The following KDM2B variants were observed in gnomAD, a reference collection of about 807,000 sequenced individuals.
KDM2B encodes the protein lysine-specific demethylase 2B.
A neutral mutation model predicts 150.0 loss-of-function variants in KDM2B; 26 were observed. That is an observed-to-expected ratio of 0.17 (90% CI 0.13 to 0.24). The LOEUF (loss-of-function observed/expected upper bound fraction) is 0.24. KDM2B is among the 10% of genes least tolerant of loss of function. KDM2B has a pLI of 1.00. For missense variants in KDM2B, 1,265 were observed against 1,816.9 expected (o/e 0.70, Z 5.52); for synonymous variants, 734 against 729.5 (o/e 1.01, Z -0.10).
Position 121,574,597 on chromosome 12 carries a change from G to A in KDM2B, c.351-4C>T. On this transcript the variant is annotated splice_region_variant and splice_polypyrimidine_tract_variant and intron_variant, in intron 3 of 22. Transcript: ENST00000377071. ...TGTGAAATCAGGGTCAGGCATCCTG[G>A]GGAAAGAGGAGCACAGACCTTTGGT... The A allele has an allele frequency of 6.2e-7, 1 of 1,613,926 alleles. No individual in the cohort carries two copies. Among genetic ancestry groups the A allele is most frequent in the Non-Finnish European group, 8.5e-7 (1 of 1,179,886 alleles).
intron 12 of KDM2B, among the ~76,000 whole-genome samples, chr12:121,489,234 T>A (rs1195951545): frequency 6.6e-6 from 1 of 151,740 alleles, no homozygotes; most frequent in East Asian, 1.9e-4. Context: ...TGTGAGCCAC[T>A]GCGCCCGGCC....
intron 9 of KDM2B, among the ~76,000 whole-genome samples, chr12:121,519,754 TTGAA>T (rs1240513854): frequency 1.3e-4 from 20 of 152,256 alleles, no homozygotes; most frequent in African/African-American, 3.4e-4. Flanking sequence ...ATTGTATACT[TTGAA>T]TGGTAAATTT....
At chr12:121,522,134 T>A (rs996322412) in intron 8 of KDM2B, among the ~76,000 whole-genome samples, 25 of 151,134 alleles carry the variant, frequency 1.7e-4, no homozygotes. Context: ...GAAACGATAA[T>A]AGAGGGCCCA....
intron 12 of KDM2B, chr12:121,469,126 C>T (rs1408693506): frequency 2.0e-5 from 3 of 151,590 alleles, no homozygotes; most frequent in African/African-American, 7.3e-5. Context: ...GAGCTCCTAG[C>T]CTCAAGTGAT....
Position 121,521,126 on chromosome 12 carries a change from A to T in KDM2B, c.932-26T>A. 6 of 1,540,202 alleles carry T rather than the reference A, an allele frequency of 3.9e-6. No homozygotes were observed. The highest frequency in any genetic ancestry group is 4.5e-6 in the Non-Finnish European group (5 of 1,113,538). The stretch of plus-strand genomic sequence containing the variant: ...CTGGGGTGGGAAGGGCAAGGAGAGG[A>T]TGAGCCGCTGGCCCCTGTGGGCTCC... On this transcript the variant is annotated intron_variant, in intron 8 of 22. Transcript: ENST00000377071. The surrounding 1 kb of genome is among the most constrained non-coding windows in gnomAD (Gnocchi z 4.9).
intron 4 of KDM2B, among the ~76,000 whole-genome samples, chr12:121,552,215 T>G (rs1372038820): frequency 1.3e-5 from 2 of 152,144 alleles, no homozygotes; most frequent in African/African-American, 4.8e-5. Context: ...TTACACCCAT[T>G]TAATGGAGGA....
chr12:121,539,344 A>G (rs1358126600), intron 6 of KDM2B, among the ~76,000 whole-genome samples: 17 of 151,114 alleles, frequency 1.1e-4, no homozygotes, highest in East Asian at 2.0e-4. Context: ...AAAAAAAAAA[A>G]AAAAAAAAAA....
intron 12 of KDM2B, among the ~76,000 whole-genome samples, chr12:121,478,866 T>TTGTTTGTGTGTGTGTGTGTGTGTGTG (rs61509046): frequency 1.5e-4 from 20 of 131,216 alleles, no homozygotes; most frequent in Admixed American, 4.2e-4. Context: ...TTTTGTTTGT[T>TTGTTTGTGTGTGTGTGTGTGTGTGTG]TGTGTGTGTG....
chr12:121,475,998 C>CAA (rs782625863), intron 12 of KDM2B, among the ~76,000 whole-genome samples: 1 of 122,872 alleles, frequency 8.1e-6, no homozygotes, highest in South Asian at 2.6e-4. Context: ...ACTCTGTGTC[C>CAA]AAAAAAAAAA....
chr12:121,578,779 G>A (rs1555317314), intron 2 of KDM2B, 23 bp downstream of exon 2: 3 of 1,492,608 alleles, frequency 2.0e-6, no homozygotes, highest in Admixed American at 2.0e-5. Flanking sequence ...CGCAGAGGGC[G>A]GCCCGGGGTG....
the KDM2B span, among the ~76,000 whole-genome samples, chr12:121,410,309 C>T: frequency 6.6e-6 from 1 of 151,882 alleles, no homozygotes; most frequent in Non-Finnish European, 1.5e-5. Context: ...GAGGCTGAGG[C>T]AGGCGGATTA....
At chr12:121,422,149 G>A in the KDM2B span, among the ~76,000 whole-genome samples, 6 of 152,154 alleles carry the variant, frequency 3.9e-5, no homozygotes, top group Non-Finnish European at 8.8e-5. Flanking sequence ...AGTACTTTGC[G>A]GCGTAGGATA....
At chr12:121,446,617 T>C (rs1555290433) in intron 13 of KDM2B, among the ~76,000 whole-genome samples, 1 of 152,184 alleles carries the variant, frequency 6.6e-6, no homozygotes, top group African/African-American at 2.4e-5. Context: ...TTATTTTTAC[T>C]TGAAGGAATG....
At position 121,574,059 on chromosome 12, in the gene KDM2B, G is replaced by A. The variant is rs143909431; in HGVS notation, c.397+488C>T. On this transcript the variant is annotated intron_variant, in intron 4 of 22. Coordinates refer to ENST00000377071, the MANE Select transcript of KDM2B (RefSeq NM_032590.5). ...AAATGCCACCTACTACTGGCCGAGC[G>A]TCCAGAGTACTAAGTCATCAGCCAC... 5.9e-5 allele frequency among the ~76,000 whole-genome samples: 9 copies of A among 152,240 alleles called. No individual in the cohort carries two copies. In the East Asian group the frequency reaches 9.6e-4, roughly 16 times the overall value.
At chr12:121,478,973 C>T (rs760892663) in intron 12 of KDM2B, among the ~76,000 whole-genome samples, 49 of 151,728 alleles carry the variant, frequency 3.2e-4, no homozygotes, top group Non-Finnish European at 6.0e-4. Context: ...CCGCCTTGGC[C>T]TCCCAAAGTA....
intron 11 of KDM2B, among the ~76,000 whole-genome samples, chr12:121,497,219 A>C (rs1884058281): frequency 6.6e-6 from 1 of 152,138 alleles, no homozygotes; most frequent in Non-Finnish European, 1.5e-5. Flanking sequence ...GCTATTTATA[A>C]AGTGTCTTTA....
intron 13 of KDM2B, among the ~76,000 whole-genome samples, chr12:121,449,295 G>A (rs545125766): frequency 1.7e-4 from 26 of 152,238 alleles, no homozygotes; most frequent in African/African-American, 4.8e-4. Context: ...CCCCAGCGAC[G>A]GAGCAAAGGG....
intron 4 of KDM2B, among the ~76,000 whole-genome samples, chr12:121,550,370 A>C (rs548500706): frequency 6.6e-6 from 1 of 152,266 alleles, no homozygotes; most frequent in Admixed American, 6.5e-5. Flanking sequence ...AATCCCAAGA[A>C]GCCAGTGACC....
At chr12:121,449,236 G>A (rs540591617) in intron 13 of KDM2B, among the ~76,000 whole-genome samples, 7 of 152,212 alleles carry the variant, frequency 4.6e-5, no homozygotes, top group Non-Finnish European at 8.8e-5. Context: ...GCATGACATC[G>A]GCATGACACT....
Sources: gnomAD v4.1 joint callset for allele counts (sites outside exome capture counted in the v4.1 genomes callset) on GRCh38, gnomAD v4.1.1 for gene constraint, Gnocchi (gnomAD v3.1) non-coding constraint, MANE v1.5 for transcripts, NCBI Gene and HGNC (gene_info 2026-07-23, HGNC 2026-07-21) for gene names.